SIL1: variants seen among roughly 807,000 people sequenced by gnomAD.
SIL1 encodes the protein nucleotide exchange factor SIL1.
Under a neutral mutation model 49.1 loss-of-function variants are expected in SIL1, and 40 were observed. That is an observed-to-expected ratio of 0.81 (90% CI 0.63 to 1.06). The LOEUF is 1.06. Ranked by LOEUF, SIL1 falls within the 50% of genes least tolerant of loss-of-function variation. The pLI, the probability that SIL1 is intolerant of heterozygous loss-of-function variation, is 0.00. For missense variants in SIL1, 500 were observed against 572.6 expected (o/e 0.87, Z 1.29); for synonymous variants, 253 against 250.8 (o/e 1.01, Z -0.08).
chr5:139,021,052 T>C, intron 7 of SIL1, 119 bp downstream of exon 7: 4 of 1,425,366 alleles, frequency 2.8e-6, no homozygotes, highest in Non-Finnish European at 3.0e-6. Flanking sequence ...AATTTTACTC[T>C]AGTTTCATTG....
At chr5:139,087,155 C>T (rs1475240444) in intron 3 of SIL1, among the ~76,000 whole-genome samples, 1 of 151,892 alleles carries the variant, frequency 6.6e-6, no homozygotes, top group Non-Finnish European at 1.5e-5. Context: ...TCTTCATCCC[C>T]AACTCATACT....
At chr5:139,151,258 G>T (rs1185013863) in intron 1 of SIL1, among the ~76,000 whole-genome samples, 2 of 152,078 alleles carry the variant, frequency 1.3e-5, no homozygotes, top group African/African-American at 4.8e-5. Context: ...GGGGCAACAG[G>T]AGAAAAAGAA....
Position 139,057,326 on chromosome 5 carries a change from AAAG to A in SIL1, c.245-6283_245-6281del, listed in dbSNP as rs1241461535. On this transcript the variant is annotated intron_variant, in intron 3 of 9. Transcript: ENST00000394817. ...CAAGAATGATCAATAAAAAAAAAAA[AAAG>A]AAAAGAAAAGAACATCACTGCTAGC... Among the ~76,000 whole-genome samples, 26 of 147,330 alleles carry A rather than the reference AAAG, an allele frequency of 1.8e-4. 4 individuals carry two copies. Among genetic ancestry groups the A allele is most frequent in the African/African-American group, 5.6e-4 (22 of 39,464 alleles).
intron 1 of SIL1, among the ~76,000 whole-genome samples, chr5:139,197,268 C>CA (rs11363617): frequency 0.061 from 3,474 of 57,408 alleles, 71 homozygotes; most frequent in Non-Finnish European, 0.066. Flanking sequence ...AACTCCGCCT[C>CA]AAAAAAAAAA....
At chr5:139,129,829 T>C (rs1337255752) in intron 1 of SIL1, among the ~76,000 whole-genome samples, 1 of 152,238 alleles carries the variant, frequency 6.6e-6, no homozygotes, top group Non-Finnish European at 1.5e-5. Flanking sequence ...CACTGGTTTC[T>C]TAAATATGAC....
rs1289558236 is a variant in SIL1, at chr5:139,125,240, T to C, written c.105+2499A>G. Among the ~76,000 whole-genome samples, 3 of 152,246 alleles carry C rather than the reference T, an allele frequency of 2.0e-5. No homozygotes were observed. In the South Asian group the frequency reaches 6.2e-4, roughly 31 times the overall value. Reference sequence around the variant, plus strand: ...GCCTTCCCAGCTGGCTTCTCAGGGCTGCCTTCCACGCTGGATCATCAGTGC... The same window carrying C: ...GCCTTCCCAGCTGGCTTCTCAGGGCCGCCTTCCACGCTGGATCATCAGTGC... On this transcript the variant is annotated intron_variant, in intron 2 of 9. Coordinates refer to ENST00000394817, the MANE Select transcript of SIL1 (RefSeq NM_022464.5).
At chr5:139,177,251 T>C (rs1751904062) in intron 1 of SIL1, among the ~76,000 whole-genome samples, 1 of 150,690 alleles carries the variant, frequency 6.6e-6, no homozygotes, top group African/African-American at 2.4e-5. Context: ...TTTATTTATT[T>C]ATTTATTTAT....
At chr5:139,050,461 G>C (rs930416918) in intron 4 of SIL1, among the ~76,000 whole-genome samples, 2 of 152,198 alleles carry the variant, frequency 1.3e-5, no homozygotes, top group South Asian at 4.1e-4. Context: ...AATGGCAGTA[G>C]CTTCTACTTT....
intron 1 of SIL1, among the ~76,000 whole-genome samples, chr5:139,169,615 G>A (rs1262122859): frequency 6.6e-6 from 1 of 151,638 alleles, no homozygotes; most frequent in Admixed American, 6.6e-5. Flanking sequence ...CCGAGTAGCT[G>A]GGACTACAGG....
intron 3 of SIL1, among the ~76,000 whole-genome samples, chr5:139,111,093 G>C (rs1014422442): frequency 6.6e-6 from 1 of 152,200 alleles, no homozygotes; most frequent in Non-Finnish European, 1.5e-5. Context: ...GTGATGCTCA[G>C]TTCTGACCTC....
At chr5:138,983,103 G>A (rs920046406) in intron 7 of SIL1, among the ~76,000 whole-genome samples, 1 of 150,454 alleles carries the variant, frequency 6.6e-6, no homozygotes, top group Admixed American at 6.6e-5. Context: ...GGGGGCTGAG[G>A]CACGAGAATC....
intron 1 of SIL1, among the ~76,000 whole-genome samples, chr5:139,177,875 C>T (rs1234534045): frequency 1.3e-5 from 2 of 152,236 alleles, no homozygotes; most frequent in Admixed American, 1.3e-4. Flanking sequence ...TCAACCAGAA[C>T]TGAATGTTAC....
intron 3 of SIL1, among the ~76,000 whole-genome samples, chr5:139,063,906 CATT>C (rs1344165998): frequency 6.6e-6 from 1 of 152,222 alleles, no homozygotes; most frequent in African/African-American, 2.4e-5. Flanking sequence ...TAAAACCACT[CATT>C]AGTCAAATTT....
At chr5:138,969,185 A>C (rs1241622205) in intron 7 of SIL1, among the ~76,000 whole-genome samples, 1 of 152,212 alleles carries the variant, frequency 6.6e-6, no homozygotes, top group Non-Finnish European at 1.5e-5. Context: ...GTTTCACTTG[A>C]TTCCTGAAAT....
chr5:139,065,321 A>G (rs939396041), intron 3 of SIL1, among the ~76,000 whole-genome samples: 20 of 152,300 alleles, frequency 1.3e-4, no homozygotes, highest in Non-Finnish European at 2.8e-4. Flanking sequence ...TCACTCCCCA[A>G]GACATCAGAA....
At chr5:139,165,217 C>T (rs934659575) in intron 1 of SIL1, among the ~76,000 whole-genome samples, 1 of 152,206 alleles carries the variant, frequency 6.6e-6, no homozygotes, top group African/African-American at 2.4e-5. Flanking sequence ...TTAACCTAAA[C>T]ATTTCCTTTC....
intron 7 of SIL1, chr5:138,953,233 T>C (rs1436315854): frequency 1.3e-5 from 2 of 152,272 alleles, no homozygotes; most frequent in Admixed American, 1.3e-4. Context: ...GCCCTCACGG[T>C]GTCCTTGAGA....
intron 7 of SIL1, among the ~76,000 whole-genome samples, chr5:138,961,714 A>G (rs1767023190): frequency 6.6e-6 from 1 of 152,046 alleles, no homozygotes; most frequent in African/African-American, 2.4e-5. Context: ...CCCTGAAGCC[A>G]TGTGGGTCTC....
At chr5:139,016,313 T>G (rs543940950) in intron 7 of SIL1, among the ~76,000 whole-genome samples, 1 of 152,282 alleles carries the variant, frequency 6.6e-6, no homozygotes, top group East Asian at 1.9e-4. Context: ...AAAATCTAGT[T>G]TGTGAAACAA....
Sources: gnomAD v4.1 joint callset for allele counts (sites outside exome capture counted in the v4.1 genomes callset) on GRCh38, gnomAD v4.1.1 for gene constraint, MANE v1.5 for transcripts, NCBI Gene and HGNC (gene_info 2026-07-23, HGNC 2026-07-21) for gene names.